KCTD16: variants seen among roughly 807,000 people sequenced by gnomAD.
KCTD16 encodes potassium channel tetramerization domain containing 16, also known as BTB/POZ domain-containing protein KCTD16.
A neutral mutation model predicts 33.2 loss-of-function variants in KCTD16; 13 were observed. The observed-to-expected ratio is 0.39, with a 90% confidence interval of 0.25 to 0.62. The LOEUF (loss-of-function observed/expected upper bound fraction) is 0.62. KCTD16 is among the 20% of genes least tolerant of loss of function. The pLI is 0.50. For missense variants in KCTD16, 441 were observed against 525.1 expected (o/e 0.84, Z 1.57); for synonymous variants, 197 against 195.3 (o/e 1.01, Z -0.07).
At chr5:144,257,886 G>GT (rs1754896127) in intron 3 of KCTD16, among the ~76,000 whole-genome samples, 2 of 152,122 alleles carry the variant, frequency 1.3e-5, no homozygotes, top group Non-Finnish European at 2.9e-5. Context: ...TTAACTACCA[G>GT]TACCACCAAG....
At chr5:144,468,919 A>G (rs539858034) in intron 3 of KCTD16, among the ~76,000 whole-genome samples, 4 of 152,340 alleles carry the variant, frequency 2.6e-5, no homozygotes, top group East Asian at 1.9e-4. Flanking sequence ...TTTTTCATAG[A>G]GGAGAAATAT....
At chr5:144,223,058 C>A (rs894853875) in intron 3 of KCTD16, among the ~76,000 whole-genome samples, 2 of 152,116 alleles carry the variant, frequency 1.3e-5, no homozygotes, top group African/African-American at 4.8e-5. Context: ...AAACCAAACA[C>A]CGCATGTTCT....
At chr5:144,278,978 T>C (rs1755528154) in intron 3 of KCTD16, among the ~76,000 whole-genome samples, 1 of 152,212 alleles carries the variant, frequency 6.6e-6, no homozygotes, top group Non-Finnish European at 1.5e-5. Flanking sequence ...AGTTCTTCTT[T>C]AGTTTCTTTC....
chr5:144,351,060 A>T (rs1353380114), intron 3 of KCTD16, among the ~76,000 whole-genome samples: 1 of 152,202 alleles, frequency 6.6e-6, no homozygotes, highest in Non-Finnish European at 1.5e-5. Context: ...TGAGTTGTTC[A>T]GTTGTATGTA....
rs371918283 is a variant in KCTD16 at position 144,464,759 on chromosome 5, C to CTCT, written c.833-8883_833-8881dup. 1.2e-3 allele frequency among the ~76,000 whole-genome samples: 171 copies of CTCT among 147,042 alleles called. 4 individuals are homozygous for CTCT. The highest frequency in any genetic ancestry group is 3.4e-4 in the Admixed American group (5 of 14,554). On this transcript the variant is annotated intron_variant, in intron 3 of 3. Transcript: ENST00000512467. ...CTTTCTCCTCTTCCTCTTCCTCTTC[C>CTCT]TCTTCTTCTTCTTCTTCTTCCTCTT... is the stretch of plus-strand genomic sequence containing the variant.
At position 144,396,367 on chromosome 5, in the gene KCTD16, A is replaced by T. The variant is rs143148212; in HGVS notation, c.833-77293A>T. On this transcript the variant is annotated intron_variant, in intron 3 of 3. Transcript: ENST00000512467. ...CCAAGAGGCATAACTGATCTTAGCCACCCATTTTGGAAACACAAAACTTTG... is the reference window on the plus strand; with the variant it reads ...CCAAGAGGCATAACTGATCTTAGCCTCCCATTTTGGAAACACAAAACTTTG... Among the ~76,000 whole-genome samples, 154 of 152,266 alleles carry T rather than the reference A, an allele frequency of 1.0e-3. 1 individual carries two copies. Among genetic ancestry groups the T allele is most frequent in the African/African-American group, 3.6e-3 (148 of 41,568 alleles).
intron 3 of KCTD16, among the ~76,000 whole-genome samples, chr5:144,399,284 C>A (rs1377802919): frequency 6.6e-6 from 1 of 152,114 alleles, no homozygotes; most frequent in African/African-American, 2.4e-5. Context: ...CTCCTCTATT[C>A]CCTGAGTATA....
chr5:144,224,901 A>G (rs1224054283), intron 3 of KCTD16, among the ~76,000 whole-genome samples: 2 of 152,086 alleles, frequency 1.3e-5, no homozygotes, highest in Non-Finnish European at 2.9e-5. Flanking sequence ...CCAAGATCAT[A>G]CTCTTAGGGA....
Position 144,207,202 on chromosome 5 carries a change from G to T in KCTD16, c.488G>T (p.Trp163Leu). ...PSSLLPADRK[W>L]GFITVGYRGS... is the part of the protein sequence containing the mutation. ...TCCCTGCTCCCTGCCGACCGCAAGT[G>T]GGGTTTCATTACTGTGGGTTACAGA... Residue 163 changes from tryptophan (W) to leucine (L), a missense_variant, in exon 3 of 4, where the codon TGG (tryptophan) becomes TTG (leucine). Trp to Leu is a moderately conservative substitution (Grantham distance 61). Coordinates refer to ENST00000512467, the MANE Select transcript of KCTD16 (RefSeq NM_020768.4). 1 of 1,613,590 alleles carries T rather than the reference G, an allele frequency of 6.2e-7. No individual in the cohort carries two copies. The highest frequency in any genetic ancestry group is 8.5e-7 in the Non-Finnish European group (1 of 1,179,772).
intron 3 of KCTD16, among the ~76,000 whole-genome samples, chr5:144,376,995 G>C (rs932554813): frequency 4.6e-5 from 7 of 152,162 alleles, no homozygotes; most frequent in Admixed American, 2.6e-4. Flanking sequence ...GCAGGCTTGG[G>C]TGTACATATC....
chr5:144,181,371 G>A lies in KCTD16; in HGVS notation c.-327+6899G>A, dbSNP rs185168569. On this transcript the variant is annotated intron_variant, in intron 2 of 3. Coordinates refer to ENST00000512467, the MANE Select transcript of KCTD16 (RefSeq NM_020768.4). ...GTGAACGTTCTTGTGTAATCTGAGA[G>A]GCCTATGTTGGTTAGTAGCAGTATC... Among the ~76,000 whole-genome samples the A allele has an allele frequency of 2.0e-4, 31 of 152,030 alleles. 1 individual carries two copies. The East Asian group carries it at 6.0e-3, about 29-fold the overall frequency.
At chr5:144,462,745 G>A (rs1350786179) in intron 3 of KCTD16, among the ~76,000 whole-genome samples, 1 of 152,104 alleles carries the variant, frequency 6.6e-6, no homozygotes, top group East Asian at 1.9e-4. Flanking sequence ...TGCTATTTAT[G>A]TTCCATGCCG....
intron 3 of KCTD16, among the ~76,000 whole-genome samples, chr5:144,299,072 A>ATATATTTT (rs1491103244): frequency 3.5e-5 from 2 of 57,432 alleles, no homozygotes; most frequent in Non-Finnish European, 6.7e-5. Flanking sequence ...ATATATATAT[A>ATATATTTT]TTTTTGTATA....
At chr5:144,374,518 A>G (rs1318376628) in intron 3 of KCTD16, among the ~76,000 whole-genome samples, 3 of 152,184 alleles carry the variant, frequency 2.0e-5, no homozygotes, top group African/African-American at 7.2e-5. Flanking sequence ...AATGGGAGGT[A>G]GCAGGTGAAA....
At chr5:144,264,245 G>A (rs10477239) in intron 3 of KCTD16, among the ~76,000 whole-genome samples, 33,373 of 152,046 alleles carry the variant, frequency 0.22, 4,059 homozygotes, top group Non-Finnish European at 0.28. Flanking sequence ...TACTGTTTGT[G>A]TATGATCCTG....
intron 3 of KCTD16, among the ~76,000 whole-genome samples, chr5:144,348,919 T>C (rs1752876694): frequency 1.3e-5 from 2 of 152,148 alleles, no homozygotes; most frequent in Admixed American, 6.5e-5. Flanking sequence ...TTCCAGAATT[T>C]GGAAGAGAGA....
intron 3 of KCTD16, among the ~76,000 whole-genome samples, chr5:144,370,397 A>G (rs1346752403): frequency 6.6e-6 from 1 of 152,180 alleles, no homozygotes. Flanking sequence ...GGTTTCCAAA[A>G]TAGCTTTGCC....
At chr5:144,175,754 A>G (rs1263682846) in intron 2 of KCTD16, among the ~76,000 whole-genome samples, 1 of 152,220 alleles carries the variant, frequency 6.6e-6, no homozygotes, top group African/African-American at 2.4e-5. Flanking sequence ...ATTCATTGCT[A>G]GAAGGGTTGT....
At chr5:144,386,567 A>G (rs1752328353) in intron 3 of KCTD16, among the ~76,000 whole-genome samples, 1 of 152,192 alleles carries the variant, frequency 6.6e-6, no homozygotes, top group African/African-American at 2.4e-5. Context: ...TCCATTGTAA[A>G]TACTCAATAC....
Sources: gnomAD v4.1 joint callset for allele counts (sites outside exome capture counted in the v4.1 genomes callset) on GRCh38, gnomAD v4.1.1 for gene constraint, MANE v1.5 for transcripts, NCBI Gene and HGNC (gene_info 2026-07-23, HGNC 2026-07-21) for gene names.